Variants in PKIB observed in about 807,000 individuals in gnomAD.
The protein encoded by PKIB is PKI-beta.
Under a neutral mutation model 4.5 loss-of-function variants are expected in PKIB, and 2 were observed. The observed-to-expected ratio is 0.44, with a 90% CI of 0.18 to 1.39. PKIB has a LOEUF of 1.39. Among genes scored for constraint, PKIB ranks in the 40% most tolerant of loss-of-function variants. PKIB has a pLI of 0.27. For synonymous variants in PKIB, 38 were observed against 36.0 expected (o/e 1.06, Z -0.20); for missense variants, 94 against 92.6 (o/e 1.02, Z -0.06).
intron 3 of PKIB, among the ~76,000 whole-genome samples, chr6:122,697,262 C>T (rs1778614940): frequency 6.6e-6 from 1 of 151,990 alleles, no homozygotes; most frequent in Non-Finnish European, 1.5e-5. Context: ...GGTGGTCTGT[C>T]TAGGATACCT....
At chr6:122,495,457 G>A (rs535855636) in intron 2 of PKIB, among the ~76,000 whole-genome samples, 1 of 152,168 alleles carries the variant, frequency 6.6e-6, no homozygotes, top group South Asian at 2.1e-4. Flanking sequence ...GCCCCTGCCT[G>A]AGAGTTTGGT....
chr6:122,524,222 TC>T lies in PKIB; in HGVS notation c.-248+46285del, dbSNP rs112845515. ...TCTTTCTTCTTCCTCCTCCTCCCCCTCCTCCTCTTCCTCATCCTCCTTCTTT... is the reference window on the plus strand; with the variant it reads ...TCTTTCTTCTTCCTCCTCCTCCCCCTCTCCTCTTCCTCATCCTCCTTCTTT... On this transcript the variant is annotated intron_variant, in intron 2 of 6. Coordinates refer to the PKIB transcript ENST00000392491. Among the ~76,000 whole-genome samples the T allele has an allele frequency of 5.1e-4, 73 of 142,776 alleles. 1 individual carries two copies. The highest frequency in any genetic ancestry group is 3.6e-3 in the Middle Eastern group (1 of 274). 93.7% of individuals were successfully genotyped at this position (142,776 alleles called of 152,430 possible). A position where few individuals can be genotyped will look rare whatever the true frequency, so the allele number is the denominator to read the frequency against.
chr6:122,586,191 G>A (rs1036287173), intron 3 of PKIB: 1 of 152,106 alleles, frequency 6.6e-6, no homozygotes, highest in Admixed American at 6.6e-5. Context: ...TCCACTTTGT[G>A]TGGGTAGACA....
At chr6:122,475,136 C>G (rs1376851475) in intron 1 of PKIB, among the ~76,000 whole-genome samples, 7 of 152,020 alleles carry the variant, frequency 4.6e-5, no homozygotes, top group Admixed American at 3.9e-4. Context: ...CAAATTCCAG[C>G]GATTCTCCTG....
At chr6:122,472,141 G>A (rs564530252) in intron 1 of PKIB, 1 of 179,240 alleles carries the variant, frequency 5.6e-6, no homozygotes, top group Admixed American at 6.3e-5. Flanking sequence ...TCCTTCATCT[G>A]AGGAACCTCT....
chr6:122,521,909 G>T (rs1776957991), intron 2 of PKIB, among the ~76,000 whole-genome samples: 1 of 152,016 alleles, frequency 6.6e-6, no homozygotes, highest in Non-Finnish European at 1.5e-5. Flanking sequence ...ATTTCCGATG[G>T]CTGGCCACTA....
chr6:122,561,984 G>GTT (rs1562251957), intron 2 of PKIB, among the ~76,000 whole-genome samples: 3 of 24,892 alleles, frequency 1.2e-4, no homozygotes, highest in African/African-American at 4.4e-4. Context: ...GTTTTTTTTT[G>GTT]TTTGTTTTTG....
chr6:122,517,402 C>T (rs1368693529), intron 2 of PKIB, among the ~76,000 whole-genome samples: 1 of 152,154 alleles, frequency 6.6e-6, no homozygotes, highest in East Asian at 1.9e-4. Flanking sequence ...TAAGCACTTA[C>T]TGTGCACTAA....
intron 2 of PKIB, among the ~76,000 whole-genome samples, chr6:122,488,453 C>T (rs752122827): frequency 1.3e-5 from 2 of 151,986 alleles, no homozygotes; most frequent in African/African-American, 4.8e-5. Context: ...CAAGATCTTC[C>T]AGGGTCTCAC....
chr6:122,611,197 C>T (rs1364975285), intron 1 of PKIB, among the ~76,000 whole-genome samples: 2 of 152,200 alleles, frequency 1.3e-5, no homozygotes, highest in African/African-American at 4.8e-5. Flanking sequence ...GCCTGTGTTC[C>T]GGTTGGTGCT....
chr6:122,566,660 T>G (rs73768328), intron 2 of PKIB, among the ~76,000 whole-genome samples: 1 of 98,700 alleles, frequency 1.0e-5, no homozygotes, highest in African/African-American at 4.5e-5. Flanking sequence ...CTGCCTTCCT[T>G]CCTTCCTTCC....
intron 2 of PKIB, among the ~76,000 whole-genome samples, chr6:122,648,892 C>T (rs1039005785): frequency 1.3e-5 from 2 of 152,148 alleles, no homozygotes; most frequent in Admixed American, 6.5e-5. Context: ...GTTGGCCCAT[C>T]TCCAACTTCC....
rs1775824877 is a variant in PKIB at position 122,488,208 on chromosome 6, A to G, written c.-248+10269A>G. Among the ~76,000 whole-genome samples the G allele has an allele frequency of 2.0e-5, 3 of 151,990 alleles. No homozygotes were observed. The South Asian group carries it at 6.2e-4, about 32-fold the overall frequency. On this transcript the variant is annotated intron_variant, in intron 2 of 6. Coordinates refer to the PKIB transcript ENST00000392491. ...GAAGTAATAGCTTTTTCTTTCATAT[A>G]TATATATTCATATATATACACACAC...
chr6:122,682,017 T>G (rs1410303920), intron 3 of PKIB, among the ~76,000 whole-genome samples: 2 of 152,212 alleles, frequency 1.3e-5, no homozygotes, highest in Non-Finnish European at 2.9e-5. Context: ...TTCTACATCC[T>G]ATTTTCCAGT....
chr6:122,673,095 A>G (rs1777531493), intron 2 of PKIB, among the ~76,000 whole-genome samples: 1 of 152,122 alleles, frequency 6.6e-6, no homozygotes, highest in Admixed American at 6.5e-5. Context: ...AGAAGTGGAG[A>G]GGGAAAAACA....
At chr6:122,689,983 A>G (rs1778258629) in intron 3 of PKIB, among the ~76,000 whole-genome samples, 1 of 152,142 alleles carries the variant, frequency 6.6e-6, no homozygotes, top group African/African-American at 2.4e-5. Flanking sequence ...CTCTTGCTTA[A>G]TAGACCCCTT....
intron 3 of PKIB, among the ~76,000 whole-genome samples, chr6:122,692,607 C>T (rs1335196239): frequency 6.6e-6 from 1 of 151,842 alleles, no homozygotes; most frequent in African/African-American, 2.4e-5. Context: ...TGGCCCATGG[C>T]AGGTCCAGAA....
At chr6:122,702,838 A>G (rs1176947105) in intron 3 of PKIB, among the ~76,000 whole-genome samples, 1 of 152,120 alleles carries the variant, frequency 6.6e-6, no homozygotes, top group Non-Finnish European at 1.5e-5. Flanking sequence ...TATAATAATA[A>G]CTATATATGA....
chr6:122,597,764 G>A (rs1281225496), intron 3 of PKIB, among the ~76,000 whole-genome samples: 2 of 152,160 alleles, frequency 1.3e-5, no homozygotes, highest in East Asian at 1.9e-4. Flanking sequence ...ACCAGTCAGG[G>A]AGCCAATGTG....
Sources: gnomAD v4.1 joint callset for allele counts (sites outside exome capture counted in the v4.1 genomes callset) on GRCh38, gnomAD v4.1.1 for gene constraint, MANE v1.5 for transcripts, NCBI Gene and HGNC (gene_info 2026-07-23, HGNC 2026-07-21) for gene names.